MCC: variants seen among roughly 807,000 people sequenced by gnomAD.
MCC encodes the protein colorectal mutant cancer protein.
Under a neutral mutation model 116.2 loss-of-function variants are expected in MCC, and 90 were observed. That is an observed-to-expected ratio of 0.77 (90% CI 0.65 to 0.92). The LOEUF is 0.92. MCC is among the 40% of genes least tolerant of loss of function. The probability of loss-of-function intolerance (pLI) is 0.00; values close to 1 mark genes in which losing one functional copy is unlikely to be tolerated. For missense variants in MCC, 1,516 were observed against 1,312.2 expected, an observed-to-expected ratio of 1.16 and a Z score of -2.40; for synonymous variants, 578 against 510.5, an observed-to-expected ratio of 1.13 and a Z score of -1.78.
At chr5:113,117,721 C>G (rs1031452094) in intron 6 of MCC, among the ~76,000 whole-genome samples, 1 of 152,218 alleles carries the variant, frequency 6.6e-6, no homozygotes, top group Non-Finnish European at 1.5e-5. Context: ...CAGGAAAGGA[C>G]AGCAAACATG....
intron 3 of MCC, among the ~76,000 whole-genome samples, chr5:113,202,741 C>G (rs1240578475): frequency 1.3e-5 from 2 of 149,732 alleles, no homozygotes; most frequent in Non-Finnish European, 3.0e-5. Flanking sequence ...CATATACCTT[C>G]TACTTTCCCC....
At chr5:113,031,518 C>T (rs1359627328) in intron 17 of MCC, among the ~76,000 whole-genome samples, 1 of 151,510 alleles carries the variant, frequency 6.6e-6, no homozygotes, top group Non-Finnish European at 1.5e-5. Flanking sequence ...GGGTTTTTTG[C>T]CCTACATTTT....
rs570901910 is a variant in MCC, at chr5:113,439,514, A to C, written c.170+48731T>G. 7.9e-5 allele frequency among the ~76,000 whole-genome samples: 12 copies of C among 152,360 alleles called. No individual in the cohort carries two copies. The South Asian group carries it at 8.3e-4, about 11-fold the overall frequency. On this transcript the variant is annotated intron_variant, in intron 1 of 18. Transcript: ENST00000408903. ...AGATAGAGATGAATATAACATGGTCAGTACCCTCAGAAGGTCTCTCAGTGT... is the reference window on the plus strand; with the variant it reads ...AGATAGAGATGAATATAACATGGTCCGTACCCTCAGAAGGTCTCTCAGTGT...
chr5:113,367,210 T>C (rs915531693), intron 2 of MCC, among the ~76,000 whole-genome samples: 1 of 152,154 alleles, frequency 6.6e-6, no homozygotes, highest in African/African-American at 2.4e-5. Context: ...ATATGCAAAT[T>C]ATTATAATGA....
chr5:113,344,634 G>C (rs1301358695), intron 2 of MCC, among the ~76,000 whole-genome samples: 1 of 151,758 alleles, frequency 6.6e-6, no homozygotes, highest in African/African-American at 2.4e-5. Context: ...AGAGTCATGA[G>C]GCCCCCCATT....
At chr5:113,233,641 T>C (rs1764021433) in intron 3 of MCC, among the ~76,000 whole-genome samples, 3 of 152,198 alleles carry the variant, frequency 2.0e-5, no homozygotes, top group Admixed American at 2.0e-4. Context: ...TCTCTCTCAC[T>C]GTCCCTTTGT....
At chr5:113,126,859 C>G (rs1230612273) in intron 5 of MCC, among the ~76,000 whole-genome samples, 1 of 151,862 alleles carries the variant, frequency 6.6e-6, no homozygotes, top group Non-Finnish European at 1.5e-5. Flanking sequence ...GCCACTATCC[C>G]TCATATTGTT....
intron 1 of MCC, among the ~76,000 whole-genome samples, chr5:113,454,998 C>T (rs1322808638): frequency 1.3e-5 from 2 of 152,158 alleles, no homozygotes; most frequent in African/African-American, 2.4e-5. Context: ...TGACCCCAGG[C>T]TCCAGGGTAA....
chr5:113,223,622 CA>C (rs1182240240), intron 3 of MCC, among the ~76,000 whole-genome samples: 1 of 151,824 alleles, frequency 6.6e-6, no homozygotes, highest in Non-Finnish European at 1.5e-5. Flanking sequence ...TTTTTTAAAG[CA>C]GGGATTAAAT....
chr5:113,149,306 C>T (rs752198469), intron 4 of MCC, among the ~76,000 whole-genome samples: 1 of 151,388 alleles, frequency 6.6e-6, no homozygotes, highest in Admixed American at 6.6e-5. Flanking sequence ...ACCACTGAAA[C>T]ATTCTAATGC....
chr5:113,461,672 TA>T (rs1002686050), intron 1 of MCC, among the ~76,000 whole-genome samples: 3 of 149,782 alleles, frequency 2.0e-5, no homozygotes, highest in African/African-American at 5.0e-5. Context: ...CCATGTTTCT[TA>T]AAAAAACTGT....
At chr5:113,215,496 G>T (rs1763281498) in intron 3 of MCC, among the ~76,000 whole-genome samples, 1 of 152,136 alleles carries the variant, frequency 6.6e-6, no homozygotes, top group African/African-American at 2.4e-5. Context: ...TCTTTGGGAA[G>T]TGATTAGGTT....
At chr5:113,259,147 C>T (rs1220634152) in intron 3 of MCC, among the ~76,000 whole-genome samples, 3 of 152,192 alleles carry the variant, frequency 2.0e-5, no homozygotes, top group East Asian at 1.9e-4. Flanking sequence ...AATACTCTCT[C>T]ATAACTGAAG....
rs540633048 is a variant in MCC at position 113,168,133 on chromosome 5, A to G, written c.628-16711T>C. On this transcript the variant is annotated intron_variant, in intron 3 of 18. Coordinates refer to ENST00000408903, the MANE Select transcript of MCC (RefSeq NM_001085377.2). ...TTTGAGTATCCTTATAAAGCAACAAAGTTATGCTGGATTTTCTTATATACC... is the reference window on the plus strand; with the variant it reads ...TTTGAGTATCCTTATAAAGCAACAAGGTTATGCTGGATTTTCTTATATACC... Among the ~76,000 whole-genome samples, 110 of 152,288 alleles carry G rather than the reference A, an allele frequency of 7.2e-4. No homozygotes were observed. The East Asian group carries it at 9.5e-3, about 13-fold the overall frequency.
chr5:113,135,451 C>A (rs1318109149), intron 5 of MCC, among the ~76,000 whole-genome samples: 2 of 146,946 alleles, frequency 1.4e-5, no homozygotes, highest in African/African-American at 5.0e-5. Flanking sequence ...CCCAGCTACT[C>A]GGGAGGCTGA....
intron 6 of MCC, among the ~76,000 whole-genome samples, chr5:113,118,897 C>T (rs1239134347): frequency 6.6e-6 from 1 of 152,156 alleles, no homozygotes; most frequent in African/African-American, 2.4e-5. Flanking sequence ...CAGAGCTGCC[C>T]CTGCCCGGTG....
intron 1 of MCC, among the ~76,000 whole-genome samples, chr5:113,481,890 C>CA (rs1392920692): frequency 6.6e-6 from 1 of 152,200 alleles, no homozygotes; most frequent in Non-Finnish European, 1.5e-5. Flanking sequence ...TTTGTCATTT[C>CA]AAAAAAAGAA....
At chr5:113,157,491 CAG>C (rs1458486679) in intron 3 of MCC, among the ~76,000 whole-genome samples, 7 of 152,336 alleles carry the variant, frequency 4.6e-5, no homozygotes, top group Middle Eastern at 3.4e-3. Flanking sequence ...TTCATCCCCA[CAG>C]GCCCTATCTA....
chr5:113,461,746 A>T (rs1450991724), intron 1 of MCC, among the ~76,000 whole-genome samples: 2 of 17,058 alleles, frequency 1.2e-4, no homozygotes, highest in Non-Finnish European at 1.2e-4. Context: ...TGCACCAGTA[A>T]AAAAAAAAAA....
Sources: allele counts gnomAD v4.1 joint callset (sites outside exome capture counted in the v4.1 genomes callset), GRCh38; gene constraint gnomAD v4.1.1; transcripts MANE v1.5; gene names NCBI Gene and HGNC (gene_info 2026-07-23, HGNC 2026-07-21).